Variants in SMIM29 observed in about 807,000 individuals in gnomAD.
The protein encoded by SMIM29 is small integral membrane protein 29.
Under a neutral mutation model 12.9 loss-of-function variants are expected in SMIM29, and 4 were observed. The observed-to-expected ratio is 0.31, with a 90% confidence interval of 0.15 to 0.71. The LOEUF (loss-of-function observed/expected upper bound fraction) is 0.71, where lower values mean the gene tolerates loss of function less well. Among genes scored for constraint, SMIM29 ranks in the 30% least tolerant of loss-of-function variants. The pLI is 0.70. For synonymous variants in SMIM29, 50 were observed against 52.0 expected, an observed-to-expected ratio of 0.96 and a Z score of 0.17; for missense variants, 122 against 138.1, an observed-to-expected ratio of 0.88 and a Z score of 0.58.
chr6:34,246,906 G>A (rs748703186), intron 4 of SMIM29, 38 bp from the exon 5 acceptor site: 44 of 1,597,688 alleles, frequency 2.8e-5, no homozygotes, highest in Middle Eastern at 3.3e-4. Flanking sequence ...GCTGGGCTGT[G>A]TTCCCTGGGA....
In SMIM29 at chr6:34,246,566, C is replaced by T. The variant is rs1048605; in HGVS notation, c.*237G>A. 3.1e-6 allele frequency: 5 copies of T among 1,595,774 alleles called. No individual in the cohort carries two copies. Among genetic ancestry groups the T allele is most frequent in the East Asian group, 2.2e-5 (1 of 44,570 alleles). ...CGCCCCCATCCCAGAAGGAAAGCCT[C>T]TTCCCATGAGTGCCTGTGGGTGGGC... On this transcript the variant is annotated 3_prime_UTR_variant, in exon 5 of 5. Coordinates refer to ENST00000476320, the MANE Select transcript of SMIM29 (RefSeq NM_001008703.4).
chr6:34,247,962 G>A, intron 1 of SMIM29, 98 bp from the exon 2 acceptor site: 1 of 1,232,646 alleles, frequency 8.1e-7, no homozygotes, highest in East Asian at 3.2e-5. Flanking sequence ...CTGGTCCCAG[G>A]TCAAATCCTG....
Position 34,246,862 on chromosome 6 carries a change from G to C in SMIM29, c.250C>G (p.His84Asp). The C allele has an allele frequency of 6.2e-7, 1 of 1,608,030 alleles. No individual in the cohort carries two copies. Among genetic ancestry groups the C allele is most frequent in the Non-Finnish European group, 8.5e-7 (1 of 1,176,374 alleles). ...LSDMGDPKVV[H>D]GWQSGYQHKR... ...TGCTGGTAGCCACTCTGCCAGCCAT[G>C]TACCACCTGTCGGGGAGGAGACCAC... Residue 84 changes from histidine to aspartate, a missense_variant, in exon 5 of 5, where the codon CAT becomes GAT. His to Asp is a moderately conservative substitution (Grantham distance 81). Coordinates refer to ENST00000476320, the MANE Select transcript of SMIM29 (RefSeq NM_001008703.4).
chr6:34,247,550 A>G lies in SMIM29; in HGVS notation c.112-58T>C. On this transcript the variant is annotated intron_variant, in intron 2 of 4. Coordinates refer to ENST00000476320, the MANE Select transcript of SMIM29 (RefSeq NM_001008703.4). The stretch of plus-strand genomic sequence containing the variant: ...TGAGCCCAGGAAGGCCCACAGGCAG[A>G]GAGAGGCCCACCTCCACACCCTTCA... 1.9e-6 allele frequency: 3 copies of G among 1,546,006 alleles called. No homozygotes were observed. The African/African-American group carries it at 4.1e-5, about 21-fold the overall frequency.
At position 34,247,673 on chromosome 6, in the gene SMIM29, C is replaced by T. The variant is rs1341946943; in HGVS notation, c.111+8G>A. 4 of 1,412,406 alleles carry T rather than the reference C, an allele frequency of 2.8e-6. No individual in the cohort carries two copies. The highest frequency in any genetic ancestry group is 1.7e-5 in the South Asian group (1 of 60,482). 87.5% of individuals were successfully genotyped at this position (1,412,406 alleles called of 1,614,324 possible). Reference sequence around the variant, plus strand: ...GTGGGTGTCTGTGTGTATATGAGGGCTCCTTACCACAGCCACCACCACCCC... The same window carrying T: ...GTGGGTGTCTGTGTGTATATGAGGGTTCCTTACCACAGCCACCACCACCCC... On this transcript the variant is annotated splice_region_variant and intron_variant, in intron 2 of 4. Transcript: ENST00000476320.
At chr6:34,246,914 G>T in intron 4 of SMIM29, 46 bp from the exon 5 acceptor site, 1 of 1,597,282 alleles carries the variant, frequency 6.3e-7, no homozygotes, top group Non-Finnish European at 8.6e-7. Flanking sequence ...GTGTTCCCTG[G>T]GAGTCTGCAG....
rs754976266 is a variant in SMIM29, at chr6:34,246,775, C to A, written c.*28G>T. 6.2e-6 allele frequency: 10 copies of A among 1,613,432 alleles called. No homozygotes were observed. The highest frequency in any genetic ancestry group is 8.5e-6 in the Non-Finnish European group (10 of 1,180,006). ...GCCCCAGGCAGTCCAGGACCCCAGGCTCTGAAGGGTGGGGCAAGGGGGTCA... is the reference window on the plus strand; with the variant it reads ...GCCCCAGGCAGTCCAGGACCCCAGGATCTGAAGGGTGGGGCAAGGGGGTCA... On this transcript the variant is annotated 3_prime_UTR_variant, in exon 5 of 5. Transcript: ENST00000476320.
In SMIM29 at chr6:34,247,662, GTA is replaced by G; in HGVS notation, c.111+17_111+18del. 1 of 1,423,718 alleles carries G rather than the reference GTA, an allele frequency of 7.0e-7. No individual in the cohort carries two copies. The highest frequency in any genetic ancestry group is 9.1e-7 in the Non-Finnish European group (1 of 1,095,344). The allele number at this position is 1,423,718 out of a possible 1,614,324, so 88.2% of individuals were successfully genotyped here. A position where few individuals can be genotyped will look rare whatever the true frequency, so the allele number is the denominator to read the frequency against. The stretch of plus-strand genomic sequence containing the variant: ...TTAGCAAAGCTGTGGGTGTCTGTGT[GTA>G]TATGAGGGCTCCTTACCACAGCCAC... On this transcript the variant is annotated intron_variant, in intron 2 of 4. Transcript: ENST00000476320.
intron 1 of SMIM29, chr6:34,248,403 C>T (rs1284366570): frequency 1.0e-6 from 1 of 985,426 alleles, no homozygotes; most frequent in African/African-American, 1.7e-5. Flanking sequence ...GACATACAGC[C>T]CAAACACCCT....
intron 1 of SMIM29, 159 bp downstream of exon 1, chr6:34,248,820 A>G: frequency 1.0e-6 from 1 of 985,774 alleles, no homozygotes; most frequent in Non-Finnish European, 1.2e-6. Context: ...AACAGCGGAC[A>G]GGAGGTGGTT....
At chr6:34,248,434 G>A in intron 1 of SMIM29, 1 of 982,696 alleles carries the variant, frequency 1.0e-6, no homozygotes, top group Non-Finnish European at 1.2e-6. Context: ...TGTCTCGTGT[G>A]CCAGGGTGGA....
At position 34,248,989 on chromosome 6, in the gene SMIM29, T is replaced by C; in HGVS notation, c.-84A>G. Reference sequence around the variant, plus strand: ...CTGGCCATGCCTTACCTCCCGCCGCTGCAGCCCCGACAGGAACGCCCTCGG... The same window carrying C: ...CTGGCCATGCCTTACCTCCCGCCGCCGCAGCCCCGACAGGAACGCCCTCGG... On this transcript the variant is annotated 5_prime_UTR_variant, in exon 1 of 5. Coordinates refer to ENST00000476320, the MANE Select transcript of SMIM29 (RefSeq NM_001008703.4). The C allele has an allele frequency of 1.0e-6, 1 of 985,548 alleles. No homozygotes were observed. The highest frequency in any genetic ancestry group is 1.2e-6 in the Non-Finnish European group (1 of 830,026). 61.1% of individuals were successfully genotyped at this position (985,548 alleles called of 1,614,324 possible).
chr6:34,248,692 G>A, intron 1 of SMIM29: 2 of 985,560 alleles, frequency 2.0e-6, no homozygotes, highest in Non-Finnish European at 2.4e-6. Flanking sequence ...CTACCCCCGT[G>A]TCCGTAGGGC....
Position 34,246,735 on chromosome 6 carries a change from G to A in SMIM29, c.*68C>T. ...CAGGGGGAGCCAGGTGACAGCAGGG[G>A]AAGCAGATGGCAGGGCCCCAGGCAG... On this transcript the variant is annotated 3_prime_UTR_variant, in exon 5 of 5. Transcript: ENST00000476320. The A allele has an allele frequency of 3.7e-6, 6 of 1,613,800 alleles. No individual in the cohort carries two copies. The highest frequency in any genetic ancestry group is 5.1e-6 in the Non-Finnish European group (6 of 1,180,012).
In SMIM29 at chr6:34,246,602, A is replaced by G; in HGVS notation, c.*201T>C. 1 of 1,613,036 alleles carries G rather than the reference A, an allele frequency of 6.2e-7. No individual in the cohort carries two copies. Among genetic ancestry groups the G allele is most frequent in the Non-Finnish European group, 8.5e-7 (1 of 1,179,444 alleles). ...TGCCTGTGGGTGGGCGGTGAGCTCA[A>G]CACCCACAAAGGGCAGAAGGCCTGG... is the stretch of plus-strand genomic sequence containing the variant. On this transcript the variant is annotated 3_prime_UTR_variant, in exon 5 of 5. Transcript: ENST00000476320.
Position 34,246,884 on chromosome 6 carries a change from CCA to C in SMIM29, c.244-18_244-17del, listed in dbSNP as rs1239698477. On this transcript the variant is annotated splice_polypyrimidine_tract_variant and intron_variant, in intron 4 of 4. Coordinates refer to ENST00000476320, the MANE Select transcript of SMIM29 (RefSeq NM_001008703.4). ...CATGTACCACCTGTCGGGGAGGAGACCACACCACAAGGCTGGGCTGTGTTCCC... is the reference window on the plus strand; with the variant it reads ...CATGTACCACCTGTCGGGGAGGAGACCACCACAAGGCTGGGCTGTGTTCCC... 6.2e-7 allele frequency: 1 copy of C among 1,602,356 alleles called. No individual in the cohort carries two copies. The highest frequency in any genetic ancestry group is 1.3e-5 in the African/African-American group (1 of 74,878).
Position 34,248,949 on chromosome 6 carries a change from T to A in SMIM29, c.-74+30A>T, listed in dbSNP as rs1762911124. The A allele has an allele frequency of 5.1e-6, 5 of 985,522 alleles. No individual in the cohort carries two copies. In the South Asian group the frequency reaches 2.3e-4, roughly 46 times the overall value. The allele number at this position is 985,522 out of a possible 1,614,324, so 61.0% of individuals were successfully genotyped here. On this transcript the variant is annotated intron_variant, in intron 1 of 4. Coordinates refer to ENST00000476320, the MANE Select transcript of SMIM29 (RefSeq NM_001008703.4). ...GAGGCGTGGACCCGTGCCGGCGCTCTGCAGCCCAGCCGGCCTGGCCATGCC... is the reference window on the plus strand; with the variant it reads ...GAGGCGTGGACCCGTGCCGGCGCTCAGCAGCCCAGCCGGCCTGGCCATGCC...
At chr6:34,248,537 C>G (rs918499058) in intron 1 of SMIM29, 2 of 985,418 alleles carry the variant, frequency 2.0e-6, no homozygotes, top group African/African-American at 3.5e-5. Flanking sequence ...CCCCTCCTGG[C>G]CTGAGCTGAC....
At chr6:34,248,900 G>A in intron 1 of SMIM29, 79 bp downstream of exon 1, 1 of 985,658 alleles carries the variant, frequency 1.0e-6, no homozygotes, top group Non-Finnish European at 1.2e-6. Flanking sequence ...CCCCGCGCCC[G>A]AACATCCTGG....
Sources: gnomAD v4.1 joint callset for allele counts on GRCh38, gnomAD v4.1.1 for gene constraint, MANE v1.5 for transcripts, NCBI Gene and HGNC (gene_info 2026-07-23, HGNC 2026-07-21) for gene names.